MAP4: variants seen among roughly 807,000 people sequenced by gnomAD.
The protein encoded by MAP4 is microtubule associated protein 4.
A neutral mutation model predicts 170.2 loss-of-function variants in MAP4; 76 were observed. The ratio of observed to expected loss-of-function variants is 0.45; its 90% CI spans 0.37 to 0.54. MAP4 has a LOEUF of 0.54. MAP4 is among the 20% of genes least tolerant of loss of function. The probability of loss-of-function intolerance (pLI) is 0.00; values close to 1 mark genes in which losing one functional copy is unlikely to be tolerated. For synonymous variants in MAP4, 909 were observed against 994.5 expected (o/e 0.91, Z 1.62); for missense variants, 2,506 against 2,748.0 (o/e 0.91, Z 1.97).
chr3:47,950,325 G>A (rs2100062891), intron 3 of MAP4, among the ~76,000 whole-genome samples: 1 of 152,196 alleles, frequency 6.6e-6, no homozygotes, highest in Admixed American at 6.5e-5. Flanking sequence ...ACAAAAAGTA[G>A]GGTGATCTCA....
intron 10 of MAP4, among the ~76,000 whole-genome samples, chr3:47,896,151 T>C (rs535311730): frequency 1.3e-5 from 2 of 151,938 alleles, no homozygotes; most frequent in South Asian, 4.2e-4. Context: ...GCCGTGAGGA[T>C]TGAGGGAATA....
intron 17 of MAP4, among the ~76,000 whole-genome samples, chr3:47,863,935 T>TGA (rs1210344915): frequency 9.8e-6 from 1 of 102,356 alleles, no homozygotes; most frequent in African/African-American, 3.8e-5. Context: ...TGTGTGTGTG[T>TGA]GTGGGGAGTG....
chr3:47,968,943 T>C (rs951823037), intron 3 of MAP4, among the ~76,000 whole-genome samples: 3 of 152,172 alleles, frequency 2.0e-5, no homozygotes, highest in African/African-American at 7.2e-5. Context: ...AAAAGGTTTA[T>C]AAGGGAATAC....
intron 1 of MAP4, among the ~76,000 whole-genome samples, chr3:48,031,004 T>C (rs1371616810): frequency 6.6e-6 from 1 of 152,026 alleles, no homozygotes; most frequent in Non-Finnish European, 1.5e-5. Flanking sequence ...ATCCTTTACA[T>C]GTGCATAGCA....
Position 47,911,122 on chromosome 3 carries a change from G to C in MAP4, c.3299C>G (p.Pro1100Arg), listed in dbSNP as rs758652461. Residue 1100 changes from proline (P) to arginine (R), a missense_variant, in exon 9 of 21, where the codon CCG becomes CGG. Pro to Arg is a moderately radical substitution (Grantham distance 103). Transcript: ENST00000683076. This position sits in a 1 kb window ranked among gnomAD's most constrained non-coding sequence, Gnocchi z 4.0. ...TTCAGTTTTAGAGACTGGCTCACTC[G>C]GTATGAGAACAGCCCTTCCGTCCTT... Reference protein sequence around the residue: ...SQKDGRAVLIPSEPVSKTEGM... With the variant: ...SQKDGRAVLIRSEPVSKTEGM... 7.7e-5 allele frequency: 118 copies of C among 1,535,916 alleles called. No homozygotes were observed. Among genetic ancestry groups the C allele is most frequent in the Non-Finnish European group, 9.3e-5 (107 of 1,146,908 alleles).
chr3:47,930,987 T>C (rs955454247), intron 3 of MAP4, among the ~76,000 whole-genome samples: 4 of 150,250 alleles, frequency 2.7e-5, no homozygotes, highest in Non-Finnish European at 5.9e-5. Context: ...AAAGAAAATA[T>C]ATAATGCGTA....
At chr3:47,999,010 C>T (rs2154375135) in intron 1 of MAP4, 131 bp from the exon 2 acceptor site, 2 of 632,514 alleles carry the variant, frequency 3.2e-6, no homozygotes, top group East Asian at 2.7e-5. Flanking sequence ...GAAGAGGCTC[C>T]CTCATTTGAA....
intron 1 of MAP4, among the ~76,000 whole-genome samples, chr3:48,029,988 C>CAA (rs67775405): frequency 7.7e-6 from 1 of 130,600 alleles, no homozygotes; most frequent in Non-Finnish European, 1.6e-5. Flanking sequence ...GATTCCATCT[C>CAA]AAAAAAAAAA....
At chr3:47,932,108 G>A (rs1400481911) in intron 3 of MAP4, among the ~76,000 whole-genome samples, 1 of 151,840 alleles carries the variant, frequency 6.6e-6, no homozygotes, top group African/African-American at 2.4e-5. Flanking sequence ...CTACCCCTCG[G>A]TAACCACTCG....
At position 47,852,716 on chromosome 3, in the gene MAP4, C is replaced by T; in HGVS notation, c.*218G>A. 1 of 1,508,460 alleles carries T rather than the reference C, an allele frequency of 6.6e-7. No individual in the cohort carries two copies. Among genetic ancestry groups the T allele is most frequent in the Non-Finnish European group, 8.8e-7 (1 of 1,131,058 alleles). The allele number at this position is 1,508,460 out of a possible 1,614,324, so 93.4% of individuals were successfully genotyped here. On this transcript the variant is annotated 3_prime_UTR_variant, in exon 21 of 21. Transcript: ENST00000683076. Reference sequence around the variant, plus strand: ...GAGGAGGTGTGGGGCAGGGCTGCTGCTGCCCCGGGCACGCAAAGCAGGAGG... The same window carrying T: ...GAGGAGGTGTGGGGCAGGGCTGCTGTTGCCCCGGGCACGCAAAGCAGGAGG...
intron 8 of MAP4, among the ~76,000 whole-genome samples, chr3:47,914,560 AAAC>A (rs1355512381): frequency 7.9e-5 from 12 of 152,094 alleles, no homozygotes; most frequent in Admixed American, 2.0e-4. Flanking sequence ...AAAAAAAAAA[AAAC>A]AACGACAACA....
In MAP4 at chr3:48,025,634, C is replaced by T. The variant is rs2100112662; in HGVS notation, c.-19-26755G>A. Among the ~76,000 whole-genome samples the T allele has an allele frequency of 2.0e-5, 3 of 151,978 alleles. No homozygotes were observed. The South Asian group carries it at 6.2e-4, about 32-fold the overall frequency. On this transcript the variant is annotated intron_variant, in intron 1 of 18. Transcript: ENST00000360240. The stretch of plus-strand genomic sequence containing the variant: ...GCTGACTTGGCCAGGTGTGGTGGCT[C>T]ACACCTATAATCCCAGCACTTTGGG...
intron 3 of MAP4, among the ~76,000 whole-genome samples, chr3:47,951,778 T>C (rs1213910888): frequency 5.9e-5 from 9 of 151,982 alleles, no homozygotes; most frequent in African/African-American, 2.2e-4. Context: ...CCACCCCGTC[T>C]GGGAAGTGAG....
At chr3:47,883,455 C>T (rs2097114386) in intron 10 of MAP4, among the ~76,000 whole-genome samples, 1 of 152,138 alleles carries the variant, frequency 6.6e-6, no homozygotes, top group Non-Finnish European at 1.5e-5. Flanking sequence ...GAACTCCCGA[C>T]CTCAGATGAT....
rs577512224 is a variant in MAP4 at position 47,953,093 on chromosome 3, G to A, written c.293-24743C>T. The stretch of plus-strand genomic sequence containing the variant: ...AGGGGTTGATTGCAAAGGGGCAGGA[G>A]GGAATTGATAGAGTGATTTTACAAT... On this transcript the variant is annotated intron_variant, in intron 3 of 20. Transcript: ENST00000683076. 3.9e-5 allele frequency among the ~76,000 whole-genome samples: 6 copies of A among 152,270 alleles called. No homozygotes were observed. In the South Asian group the frequency reaches 1.0e-3, roughly 26 times the overall value.
chr3:48,003,805 A>G lies in MAP4; in HGVS notation c.-19-4926T>C, dbSNP rs140600306. Among the ~76,000 whole-genome samples the G allele has an allele frequency of 4.2e-3, 646 of 152,170 alleles. 5 individuals are homozygous for G. Among genetic ancestry groups the G allele is most frequent in the African/African-American group, 0.014 (589 of 41,524 alleles). ...TAACATTTGAGTCAGTGGGCTGGGG[A>G]AGGCAGACACACCCTTAATTGGGTG... On this transcript the variant is annotated intron_variant, in intron 1 of 20. Coordinates refer to ENST00000683076, the MANE Select transcript of MAP4 (RefSeq NM_001385682.1).
Position 47,852,782 on chromosome 3 carries a change from G to A in MAP4, c.*152C>T, listed in dbSNP as rs968647294. On this transcript the variant is annotated 3_prime_UTR_variant, in exon 21 of 21. Coordinates refer to ENST00000683076, the MANE Select transcript of MAP4 (RefSeq NM_001385682.1). ...GGGCTGCCCAGCACGGCGCCCAAGC[G>A]CTCACTGGTCTAGTGGACAGCCCGG... 5.2e-6 allele frequency: 8 copies of A among 1,547,164 alleles called. No individual in the cohort carries two copies. The highest frequency in any genetic ancestry group is 1.2e-5 in the South Asian group (1 of 83,990).
chr3:47,964,492 C>A (rs2100073648), intron 3 of MAP4, among the ~76,000 whole-genome samples: 1 of 152,020 alleles, frequency 6.6e-6, no homozygotes, highest in African/African-American at 2.4e-5. Context: ...TTTTTTTCTT[C>A]TTTTTCTTCT....
At chr3:48,024,625 C>T (rs926094222) in intron 1 of MAP4, among the ~76,000 whole-genome samples, 1 of 152,246 alleles carries the variant, frequency 6.6e-6, no homozygotes, top group African/African-American at 2.4e-5. Flanking sequence ...TACATGACAG[C>T]CACAGGCTAA....
Sources: gnomAD v4.1 joint callset for allele counts (sites outside exome capture counted in the v4.1 genomes callset) on GRCh38, gnomAD v4.1.1 for gene constraint, Gnocchi (gnomAD v3.1) non-coding constraint, MANE v1.5 for transcripts, NCBI Gene and HGNC (gene_info 2026-07-23, HGNC 2026-07-21) for gene names.